Variants in NTF3 observed in about 807,000 individuals in gnomAD.
NTF3 encodes neurotrophin-3.
In NTF3, 8 loss-of-function variants were observed where a neutral mutation model predicts 26.3. The ratio of observed to expected loss-of-function variants is 0.30; its 90% CI spans 0.18 to 0.55. The LOEUF is 0.55. NTF3 is among the 20% of genes least tolerant of loss of function. The pLI is 0.93. For missense variants in NTF3, 276 were observed against 352.9 expected, an observed-to-expected ratio of 0.78 and a Z score of 1.75; for synonymous variants, 154 against 145.5, an observed-to-expected ratio of 1.06 and a Z score of -0.42.
chr12:5,456,572 G>C lies in NTF3; in HGVS notation c.18+24230G>C, dbSNP rs1424854336. On this transcript the variant is annotated intron_variant, in intron 1 of 1. Transcript: ENST00000423158. This position sits in a 1 kb window ranked among gnomAD's most constrained non-coding sequence, Gnocchi z 4.4. ...GAGAGAAAGGGTCTGCATTCTGTTT[G>C]CAGCCCTGATCGTGAGCTCTGGGGG... 6.6e-6 allele frequency among the ~76,000 whole-genome samples: 1 copy of C among 152,084 alleles called. No individual in the cohort carries two copies. Among genetic ancestry groups the C allele is most frequent in the Non-Finnish European group, 1.5e-5 (1 of 68,032 alleles).
At chr12:5,443,343 A>C (rs1044537421) in intron 1 of NTF3, among the ~76,000 whole-genome samples, 8 of 152,136 alleles carry the variant, frequency 5.3e-5, no homozygotes, top group African/African-American at 1.9e-4. Flanking sequence ...GCTTGTCAAG[A>C]GCAATAGAGT....
intron 1 of NTF3, among the ~76,000 whole-genome samples, chr12:5,449,929 AC>A (rs765245804): frequency 3.9e-5 from 6 of 152,284 alleles, no homozygotes; most frequent in Non-Finnish European, 7.4e-5. Flanking sequence ...AGGCTTATAA[AC>A]CATGACTTCT....
intron 1 of NTF3, among the ~76,000 whole-genome samples, chr12:5,489,756 T>A (rs1305782666): frequency 6.6e-6 from 1 of 152,190 alleles, no homozygotes; most frequent in Non-Finnish European, 1.5e-5. Context: ...TCTCTGCACG[T>A]GACAGGGCAG....
intron 1 of NTF3, among the ~76,000 whole-genome samples, chr12:5,457,986 T>A (rs1940474490): frequency 6.6e-6 from 1 of 152,172 alleles, no homozygotes. Context: ...CATTGTCTCT[T>A]GCCATCCTCC....
Position 5,456,222 on chromosome 12 carries a change from G to A in NTF3, c.18+23880G>A, listed in dbSNP as rs1019016393. ...ATGCGAGTGGCATCATCCCCTTCCG[G>A]TCACCATGGCAACCAGAAACACCTT... On this transcript the variant is annotated intron_variant, in intron 1 of 1. Transcript: ENST00000423158. This position sits in a 1 kb window ranked among gnomAD's most constrained non-coding sequence, Gnocchi z 4.4. 2.0e-5 allele frequency among the ~76,000 whole-genome samples: 3 copies of A among 152,134 alleles called. No individual in the cohort carries two copies. The highest frequency in any genetic ancestry group is 4.4e-5 in the Non-Finnish European group (3 of 68,024).
chr12:5,492,765 C>T (rs758829625), intron 1 of NTF3, among the ~76,000 whole-genome samples: 21 of 152,296 alleles, frequency 1.4e-4, no homozygotes, highest in Non-Finnish European at 2.5e-4. Context: ...AGTGAGCCGG[C>T]AGTATTTCAG....
At chr12:5,484,658 G>A (rs552180296) in intron 1 of NTF3, among the ~76,000 whole-genome samples, 12 of 152,244 alleles carry the variant, frequency 7.9e-5, no homozygotes, top group East Asian at 1.9e-4. Context: ...AGGGGTCTCC[G>A]CAGATGGCAT....
At chr12:5,467,186 G>GCA (rs1940601457) in intron 1 of NTF3, among the ~76,000 whole-genome samples, 1 of 122,424 alleles carries the variant, frequency 8.2e-6, no homozygotes, top group Admixed American at 1.1e-4. Context: ...CCGAGATCAT[G>GCA]CCACTGCACT....
chr12:5,468,123 G>A (rs1940615985), intron 1 of NTF3, among the ~76,000 whole-genome samples: 1 of 152,144 alleles, frequency 6.6e-6, no homozygotes, highest in Non-Finnish European at 1.5e-5. Context: ...TCTCTTCGAT[G>A]CTATCAACTC....
At chr12:5,468,455 AG>A (rs934579520) in intron 1 of NTF3, among the ~76,000 whole-genome samples, 1 of 152,140 alleles carries the variant, frequency 6.6e-6, no homozygotes, top group African/African-American at 2.4e-5. Flanking sequence ...GTATCCAGCG[AG>A]GGGGCATTTG....
At chr12:5,449,251 T>G (rs1018818247) in intron 1 of NTF3, among the ~76,000 whole-genome samples, 3 of 151,804 alleles carry the variant, frequency 2.0e-5, no homozygotes, top group Non-Finnish European at 4.4e-5. Context: ...AGGGAGGGAG[T>G]GTACACAGAG....
intron 1 of NTF3, among the ~76,000 whole-genome samples, chr12:5,442,082 A>G (rs1322089976): frequency 6.6e-6 from 1 of 152,220 alleles, no homozygotes; most frequent in Non-Finnish European, 1.5e-5. Flanking sequence ...GAAGATGCAG[A>G]GATGAATGTA....
chr12:5,477,776 A>G (rs953907082), intron 1 of NTF3, among the ~76,000 whole-genome samples: 1 of 152,198 alleles, frequency 6.6e-6, no homozygotes. Flanking sequence ...AGATTAATGT[A>G]TCACATATAA....
chr12:5,485,459 T>C (rs575015957), intron 1 of NTF3, among the ~76,000 whole-genome samples: 2 of 152,310 alleles, frequency 1.3e-5, no homozygotes, highest in South Asian at 4.2e-4. Context: ...TAAGAAAAAG[T>C]ACTTAATCCT....
chr12:5,471,598 G>A (rs552663203), intron 1 of NTF3, among the ~76,000 whole-genome samples: 1 of 152,238 alleles, frequency 6.6e-6, no homozygotes, highest in East Asian at 1.9e-4. Context: ...TGCGTTTAGG[G>A]GCTCTTCTTT....
chr12:5,477,252 A>G (rs1328765156), intron 1 of NTF3, among the ~76,000 whole-genome samples: 2 of 152,184 alleles, frequency 1.3e-5, no homozygotes, highest in Non-Finnish European at 2.9e-5. Flanking sequence ...AAGCTGAGCT[A>G]TAGTATTGCC....
intron 1 of NTF3, among the ~76,000 whole-genome samples, chr12:5,484,198 G>T (rs534497562): frequency 1.4e-3 from 206 of 152,256 alleles, no homozygotes; most frequent in African/African-American, 4.9e-3. Context: ...TTGTACTGAT[G>T]GATTGATTGG....
intron 1 of NTF3, among the ~76,000 whole-genome samples, chr12:5,467,183 CAT>C (rs1940601314): frequency 7.9e-6 from 1 of 127,014 alleles, no homozygotes; most frequent in Admixed American, 1.1e-4. Flanking sequence ...GAGCCGAGAT[CAT>C]GCCACTGCAC....
At chr12:5,484,572 A>G (rs950756431) in intron 1 of NTF3, among the ~76,000 whole-genome samples, 2 of 152,194 alleles carry the variant, frequency 1.3e-5, no homozygotes, top group African/African-American at 2.4e-5. Context: ...ATTCCTTAGC[A>G]TTGATTACAT....
Sources: allele counts gnomAD v4.1 joint callset (sites outside exome capture counted in the v4.1 genomes callset), GRCh38; gene constraint gnomAD v4.1.1; non-coding constraint Gnocchi (gnomAD v3.1); transcripts MANE v1.5; gene names NCBI Gene and HGNC (gene_info 2026-07-23, HGNC 2026-07-21).